Variants in DGKB observed in about 807,000 individuals in gnomAD.
DGKB encodes the protein 90 kDa diacylglycerol kinase.
DGKB carries 67 observed loss-of-function variants against 114.3 expected under a neutral mutation model. That is an observed-to-expected ratio of 0.59 (90% CI 0.48 to 0.72). DGKB has a LOEUF of 0.72. Ranked by LOEUF, DGKB falls within the 30% of genes least tolerant of loss-of-function variation. The pLI, the probability that DGKB is intolerant of heterozygous loss-of-function variation, is 0.00. For synonymous variants in DGKB, 398 were observed against 323.1 expected (o/e 1.23, Z -2.49); for missense variants, 907 against 975.2 (o/e 0.93, Z 0.93).
chr7:14,755,894 T>G (rs1296881010), intron 3 of DGKB, among the ~76,000 whole-genome samples: 34 of 152,092 alleles, frequency 2.2e-4, no homozygotes, highest in Non-Finnish European at 1.5e-5. Flanking sequence ...CTTTTTGTTT[T>G]TCAACTGTTC....
chr7:14,373,676 T>A (rs932879200), intron 21 of DGKB, among the ~76,000 whole-genome samples: 1 of 152,106 alleles, frequency 6.6e-6, no homozygotes, highest in Non-Finnish European at 1.5e-5. Flanking sequence ...CTGCTCTATC[T>A]TGGCTATCCA....
intron 17 of DGKB, among the ~76,000 whole-genome samples, chr7:14,598,537 C>A (rs574598584): frequency 6.2e-4 from 95 of 152,266 alleles, no homozygotes; most frequent in Non-Finnish European, 1.2e-3. Flanking sequence ...AATGATATCA[C>A]TGGAGCTCTC....
chr7:14,697,223 AC>A (rs1269059016), intron 8 of DGKB, among the ~76,000 whole-genome samples: 1 of 152,202 alleles, frequency 6.6e-6, no homozygotes, highest in African/African-American at 2.4e-5. Context: ...CTTTCTCTAA[AC>A]AATTTAATTA....
At chr7:14,730,037 A>G (rs1350592941) in intron 5 of DGKB, among the ~76,000 whole-genome samples, 1 of 152,226 alleles carries the variant, frequency 6.6e-6, no homozygotes, top group Non-Finnish European at 1.5e-5. Flanking sequence ...CTGACCTGCA[A>G]CAAGTACCAG....
rs552603572 is a variant in DGKB, at chr7:14,567,610, T to TAC, written c.1770+6601_1770+6602insGT. 2.6e-4 allele frequency among the ~76,000 whole-genome samples: 32 copies of TAC among 123,108 alleles called. 2 individuals carry two copies. Among genetic ancestry groups the TAC allele is most frequent in the South Asian group, 1.6e-3 (7 of 4,392 alleles). The allele number at this position is 123,108 out of a possible 152,430, so 80.8% of individuals were successfully genotyped here. A position where few individuals can be genotyped will look rare whatever the true frequency, so the allele number is the denominator to read the frequency against. On this transcript the variant is annotated intron_variant, in intron 20 of 25. Coordinates refer to ENST00000402815, the MANE Select transcript of DGKB (RefSeq NM_001350709.2). ...ATAAATAAAGATATATATATATATATATATCTTTTTTATTGAGATGGAGTC... is the reference window on the plus strand; with the variant it reads ...ATAAATAAAGATATATATATATATATACATATCTTTTTTATTGAGATGGAGTC...
At chr7:14,678,149 T>G (rs1338077105) in intron 12 of DGKB, among the ~76,000 whole-genome samples, 2 of 152,054 alleles carry the variant, frequency 1.3e-5, no homozygotes, top group African/African-American at 4.8e-5. Flanking sequence ...GAGATTAAAG[T>G]GATCTTACTG....
chr7:14,893,090 C>T (rs1413050962), intron 1 of DGKB, among the ~76,000 whole-genome samples: 1 of 151,146 alleles, frequency 6.6e-6, no homozygotes, highest in Non-Finnish European at 1.5e-5. Flanking sequence ...TTCTATTATT[C>T]TCCAGAAACA....
intron 1 of DGKB, among the ~76,000 whole-genome samples, chr7:14,955,657 G>C (rs1172319371): frequency 1.3e-5 from 2 of 152,008 alleles, no homozygotes; most frequent in Non-Finnish European, 2.9e-5. Flanking sequence ...TGAAAGAATA[G>C]AAAGAAATGC....
intron 23 of DGKB, among the ~76,000 whole-genome samples, chr7:14,327,833 A>G (rs1427535867): frequency 6.6e-6 from 1 of 152,166 alleles, no homozygotes; most frequent in Non-Finnish European, 1.5e-5. Flanking sequence ...TTGTAAAGCC[A>G]TCACTGATTA....
At chr7:14,197,373 G>C (rs1274329684) in intron 23 of DGKB, among the ~76,000 whole-genome samples, 2 of 151,670 alleles carry the variant, frequency 1.3e-5, no homozygotes, top group East Asian at 3.9e-4. Context: ...TATGAAAGAA[G>C]ACTAAACTTG....
At chr7:14,660,861 G>T (rs1257110267) in intron 13 of DGKB, among the ~76,000 whole-genome samples, 1 of 151,924 alleles carries the variant, frequency 6.6e-6, no homozygotes, top group Non-Finnish European at 1.5e-5. Flanking sequence ...CAGAGATATA[G>T]ATCAATGGAA....
chr7:14,491,435 G>T (rs1357643127), intron 20 of DGKB, among the ~76,000 whole-genome samples: 1 of 151,924 alleles, frequency 6.6e-6, no homozygotes, highest in Non-Finnish European at 1.5e-5. Flanking sequence ...AAATTACCCA[G>T]TCTCAGGTAT....
chr7:14,748,633 G>A (rs935098068), intron 4 of DGKB, among the ~76,000 whole-genome samples: 4 of 152,162 alleles, frequency 2.6e-5, no homozygotes, highest in African/African-American at 9.7e-5. Context: ...ACTGGGCAGA[G>A]CATACAGGAT....
chr7:14,683,950 T>C (rs879025706), intron 10 of DGKB, among the ~76,000 whole-genome samples: 1 of 152,282 alleles, frequency 6.6e-6, no homozygotes, highest in South Asian at 2.1e-4. Flanking sequence ...TTGAGACTTA[T>C]CATTTTGTTT....
At chr7:14,473,822 T>A (rs998103652) in intron 21 of DGKB, among the ~76,000 whole-genome samples, 3 of 152,200 alleles carry the variant, frequency 2.0e-5, no homozygotes, top group Non-Finnish European at 2.9e-5. Context: ...ATTTTGCAGT[T>A]GTGTGGGGGC....
intron 20 of DGKB, among the ~76,000 whole-genome samples, chr7:14,519,540 T>C (rs1269442451): frequency 7.2e-5 from 11 of 152,078 alleles, no homozygotes; most frequent in African/African-American, 2.7e-4. Flanking sequence ...ATAATGTCGA[T>C]ATGAATATTA....
chr7:14,531,598 T>C (rs934667523), intron 20 of DGKB, among the ~76,000 whole-genome samples: 1 of 151,040 alleles, frequency 6.6e-6, no homozygotes, highest in African/African-American at 2.4e-5. Flanking sequence ...GATTGGAAAA[T>C]AAAAATGCCA....
chr7:14,612,154 CATTTT>C (rs372883232), intron 16 of DGKB, among the ~76,000 whole-genome samples: 1,898 of 145,882 alleles, frequency 0.013, 24 homozygotes, highest in Middle Eastern at 0.022. Context: ...ATCTTATACT[CATTTT>C]ATTTTATTTT....
At chr7:14,227,023 C>T (rs1790909347) in intron 23 of DGKB, among the ~76,000 whole-genome samples, 1 of 151,972 alleles carries the variant, frequency 6.6e-6, no homozygotes, top group African/African-American at 2.4e-5. Flanking sequence ...CAGGTGCCCG[C>T]ACCGCACCAG....
Sources: gnomAD v4.1 joint callset for allele counts (sites outside exome capture counted in the v4.1 genomes callset) on GRCh38, gnomAD v4.1.1 for gene constraint, MANE v1.5 for transcripts, NCBI Gene and HGNC (gene_info 2026-07-23, HGNC 2026-07-21) for gene names.